SLC12A3: variants seen among roughly 807,000 people sequenced by gnomAD.
The protein encoded by SLC12A3 is Na-Cl cotransporter.
Under a neutral mutation model 121.0 loss-of-function variants are expected in SLC12A3, and 104 were observed. The ratio of observed to expected loss-of-function variants is 0.86; its 90% CI spans 0.73 to 1.01. SLC12A3 has a LOEUF of 1.01. Ranked by LOEUF, SLC12A3 falls within the 50% of genes least tolerant of loss-of-function variation. The pLI is 0.00. For missense variants in SLC12A3, 1,328 were observed against 1,356.3 expected, an observed-to-expected ratio of 0.98 and a Z score of 0.33; for synonymous variants, 536 against 533.4, an observed-to-expected ratio of 1.00 and a Z score of -0.07.
In SLC12A3 at chr16:56,884,181, T is replaced by C. The variant is rs112767154; in HGVS notation, c.1802T>C (p.Leu601Pro). ...IAIGVVLFLLLYVIYKKPEVN... is the reference protein window; with the variant it reads ...IAIGVVLFLLPYVIYKKPEVN... ...ATTGGCGTGGTGCTCTTCCTCCTGC[T>C]CTATGTCATCTACAAGAAGCCAGGT... is the stretch of plus-strand genomic sequence containing the variant. The change falls in exon 14 of 26, where the codon CTC becomes CCC. Residue 601 changes from leucine to proline, a missense_variant. Coordinates refer to ENST00000563236, the MANE Select transcript of SLC12A3 (RefSeq NM_001126108.2). The C allele has an allele frequency of 6.2e-7, 1 of 1,614,076 alleles. No homozygotes were observed. The highest frequency in any genetic ancestry group is 8.5e-7 in the Non-Finnish European group (1 of 1,179,990).
intron 24 of SLC12A3, 150 bp downstream of exon 24, chr16:56,902,658 C>A: frequency 2.1e-6 from 2 of 946,956 alleles, no homozygotes; most frequent in South Asian, 1.5e-5. Context: ...CACAGTCGTT[C>A]AGGCTGATGG....
chr16:56,903,192 T>G (rs892475724), intron 24 of SLC12A3, among the ~76,000 whole-genome samples: 10 of 150,248 alleles, frequency 6.7e-5, no homozygotes, highest in African/African-American at 2.2e-4. Context: ...CACGGCTGCC[T>G]GACCTTCCCT....
At chr16:56,878,014 T>TCCTCCGTCCCTCCCTCCCTCTCTC in intron 8 of SLC12A3, 63 bp from the exon 9 acceptor site, 4 of 700,394 alleles carry the variant, frequency 5.7e-6, no homozygotes, top group South Asian at 5.2e-5. Context: ...CTGCCTAATG[T>TCCTCCGTCCCTCCCTCCCTCTCTC]CCTCCGTCCC....
At chr16:56,877,640 CGG>C (rs1174549549) in intron 8 of SLC12A3, among the ~76,000 whole-genome samples, 24 of 152,152 alleles carry the variant, frequency 1.6e-4, no homozygotes, top group Non-Finnish European at 2.6e-4. Flanking sequence ...GATGAGGGGC[CGG>C]GGTGTGAGAG....
chr16:56,878,739 A>C (rs1478567578), intron 9 of SLC12A3, among the ~76,000 whole-genome samples: 1 of 152,106 alleles, frequency 6.6e-6, no homozygotes, highest in African/African-American at 2.4e-5. Context: ...AGCTGTTCAC[A>C]AATGGCCAAG....
chr16:56,865,685 A>G lies in SLC12A3; in HGVS notation c.282+168A>G, dbSNP rs528463936. Among the ~76,000 whole-genome samples, 9 of 152,358 alleles carry G rather than the reference A, an allele frequency of 5.9e-5. No individual in the cohort carries two copies. The South Asian group carries it at 1.9e-3, about 32-fold the overall frequency. On this transcript the variant is annotated intron_variant, in intron 1 of 25. Transcript: ENST00000563236. Reference sequence around the variant, plus strand: ...ATAGTGGAGCTGCAGAAATCTGGGCACATGTTGGAATGTATATTAGCCAAT... The same window carrying G: ...ATAGTGGAGCTGCAGAAATCTGGGCGCATGTTGGAATGTATATTAGCCAAT...
chr16:56,915,710 G>A lies in SLC12A3; in HGVS notation c.*2305G>A, dbSNP rs1348345754. On this transcript the variant is annotated 3_prime_UTR_variant, in exon 26 of 26. Coordinates refer to ENST00000563236, the MANE Select transcript of SLC12A3 (RefSeq NM_001126108.2). ...AAAAAACAGAATGTTTTGGCTTCGG[G>A]TGTCAAAAAAAAAATTTTCACGATG... 1 of 151,896 alleles carries A rather than the reference G, an allele frequency of 6.6e-6. No homozygotes were observed. Among genetic ancestry groups the A allele is most frequent in the East Asian group, 1.9e-4 (1 of 5,196 alleles). 9.4% of individuals were successfully genotyped at this position (151,896 alleles called of 1,614,324 possible).
intron 24 of SLC12A3, 49 bp from the exon 25 acceptor site, chr16:56,904,346 A>T (rs539653820): frequency 6.5e-7 from 1 of 1,547,916 alleles, no homozygotes; most frequent in Admixed American, 1.7e-5. Context: ...TGAAGGATTG[A>T]GTGACCTCGA....
At chr16:56,865,637 C>CT in intron 1 of SLC12A3, 120 bp downstream of exon 1, 1 of 1,145,236 alleles carries the variant, frequency 8.7e-7, no homozygotes, top group Non-Finnish European at 1.3e-6. Flanking sequence ...CGTCTTCTTC[C>CT]TGGGTTGAGA....
chr16:56,882,325 A>C, intron 12 of SLC12A3, 71 bp from the exon 13 acceptor site: 1 of 1,272,488 alleles, frequency 7.9e-7, no homozygotes, highest in Non-Finnish European at 1.2e-6. Context: ...CACCCTGGGA[A>C]GGAGGGTGCC....
chr16:56,883,785 G>A (rs150851962), intron 13 of SLC12A3, among the ~76,000 whole-genome samples: 1 of 152,304 alleles, frequency 6.6e-6, no homozygotes, highest in Non-Finnish European at 1.5e-5. Flanking sequence ...TGGTGCTGTT[G>A]CTGACATGGG....
chr16:56,881,993 G>A (rs1196821263), intron 12 of SLC12A3, among the ~76,000 whole-genome samples: 1 of 151,156 alleles, frequency 6.6e-6, no homozygotes, highest in African/African-American at 2.4e-5. Flanking sequence ...AGGTTGCAGT[G>A]AGCCGAGATC....
intron 1 of SLC12A3, among the ~76,000 whole-genome samples, chr16:56,865,992 T>TTTTC (rs59361615): frequency 0.24 from 2,530 of 10,592 alleles, 54 homozygotes; most frequent in African/African-American, 0.44. Flanking sequence ...TTTTCTTTTC[T>TTTTC]TTTTTTTTTT....
intron 22 of SLC12A3, among the ~76,000 whole-genome samples, chr16:56,896,007 C>T (rs9939276): frequency 0.22 from 33,453 of 151,920 alleles, 3,901 homozygotes; most frequent in African/African-American, 0.31. Flanking sequence ...CGATGAGGAG[C>T]TGCTGTAAAT....
chr16:56,870,490 G>T (rs997402888), intron 5 of SLC12A3, 136 bp from the exon 6 acceptor site: 1 of 769,700 alleles, frequency 1.3e-6, no homozygotes, highest in Non-Finnish European at 2.3e-6. Context: ...TTGGGGACTC[G>T]ATGGCAGGGG....
Position 56,868,353 on chromosome 16 carries a change from T to A in SLC12A3, c.486T>A (p.Ile162=), listed in dbSNP as rs750204810. Residue 162 remains isoleucine, a synonymous_variant, in exon 3 of 26, where the codon ATT becomes ATA. Coordinates refer to ENST00000563236, the MANE Select transcript of SLC12A3 (RefSeq NM_001126108.2). The stretch of plus-strand genomic sequence containing the variant: ...TCCTCTACCTGCGGCTGCCCTGGAT[T>A]ACGGCCCAGGCAGGCATCGGTGAGT... ...GVILYLRLPW[I]TAQAGIVLTW... The A allele has an allele frequency of 6.2e-7, 1 of 1,613,582 alleles. No homozygotes were observed. The highest frequency in any genetic ancestry group is 8.5e-7 in the Non-Finnish European group (1 of 1,179,844).
At chr16:56,878,039 C>CCCA in intron 8 of SLC12A3, 38 bp from the exon 9 acceptor site, 1 of 525,884 alleles carries the variant, frequency 1.9e-6, no homozygotes, top group Non-Finnish European at 3.4e-6. Context: ...TCCCTCTCTC[C>CCCA]CTCCCTCCCT....
At chr16:56,875,723 G>C (rs1245647600) in intron 8 of SLC12A3, among the ~76,000 whole-genome samples, 1 of 151,822 alleles carries the variant, frequency 6.6e-6, no homozygotes, top group South Asian at 2.1e-4. Flanking sequence ...ATGTTAAGGG[G>C]CTTCTCCCAG....
chr16:56,882,117 C>T (rs1359387892), intron 12 of SLC12A3, among the ~76,000 whole-genome samples: 1 of 152,120 alleles, frequency 6.6e-6, no homozygotes, highest in Non-Finnish European at 1.5e-5. Flanking sequence ...AGCCACTACC[C>T]TTGGTCATCC....
Sources: gnomAD v4.1 joint callset for allele counts (sites outside exome capture counted in the v4.1 genomes callset) on GRCh38, gnomAD v4.1.1 for gene constraint, MANE v1.5 for transcripts, NCBI Gene and HGNC (gene_info 2026-07-23, HGNC 2026-07-21) for gene names.